The following DOCK3 variants were observed in gnomAD, a reference collection of about 807,000 sequenced individuals.
The protein encoded by DOCK3 is dedicator of cytokinesis protein 3.
Under a neutral mutation model 265.6 loss-of-function variants are expected in DOCK3, and 60 were observed. That is an observed-to-expected ratio of 0.23 (90% confidence interval 0.18 to 0.28). DOCK3 has a LOEUF of 0.28. DOCK3 is among the 10% of genes least tolerant of loss of function. The pLI, the probability that DOCK3 is intolerant of heterozygous loss-of-function variation, is 1.00. For synonymous variants in DOCK3, 881 were observed against 938.0 expected, an observed-to-expected ratio of 0.94 and a Z score of 1.11; for missense variants, 1,981 against 2,594.3, an observed-to-expected ratio of 0.76 and a Z score of 5.14.
At chr3:50,926,020 A>G (rs1336680106) in intron 4 of DOCK3, among the ~76,000 whole-genome samples, 1 of 151,802 alleles carries the variant, frequency 6.6e-6, no homozygotes, top group Non-Finnish European at 1.5e-5. Context: ...TTTAGTAGAG[A>G]TAGGGTTTTA....
intron 1 of DOCK3, among the ~76,000 whole-genome samples, chr3:50,754,301 A>G (rs992686413): frequency 6.6e-6 from 1 of 152,144 alleles, no homozygotes; most frequent in Non-Finnish European, 1.5e-5. Flanking sequence ...CTAGAAGGTA[A>G]AGGGAGTGGA....
intron 3 of DOCK3, among the ~76,000 whole-genome samples, chr3:50,854,329 G>GT (rs374329947): frequency 1.3e-5 from 2 of 149,884 alleles, no homozygotes; most frequent in Non-Finnish European, 3.0e-5. Flanking sequence ...GTCTATTTTT[G>GT]TTTTTTTCAT....
chr3:50,798,900 AGAGT>A (rs1459199047), intron 2 of DOCK3, among the ~76,000 whole-genome samples: 2 of 152,198 alleles, frequency 1.3e-5, no homozygotes, highest in African/African-American at 4.8e-5. Context: ...ATTTTTGTAT[AGAGT>A]GAGAGGTAGA....
At chr3:50,798,657 T>G (rs1355224200) in intron 2 of DOCK3, among the ~76,000 whole-genome samples, 1 of 152,202 alleles carries the variant, frequency 6.6e-6, no homozygotes, top group Admixed American at 6.5e-5. Flanking sequence ...ATGAGTGGTT[T>G]CAGAATATTT....
chr3:51,065,401 G>A (rs2109283346), intron 6 of DOCK3, among the ~76,000 whole-genome samples: 1 of 152,186 alleles, frequency 6.6e-6, no homozygotes, highest in Non-Finnish European at 1.5e-5. Context: ...GCCCATTTCT[G>A]GAAGCCGGAA....
chr3:51,281,924 A>G (rs985741645), intron 27 of DOCK3, among the ~76,000 whole-genome samples: 1 of 152,174 alleles, frequency 6.6e-6, no homozygotes, highest in African/African-American at 2.4e-5. Context: ...CACTGAGACA[A>G]AGGATTCCTC....
chr3:50,891,530 A>G (rs1575461811), intron 4 of DOCK3, among the ~76,000 whole-genome samples: 1 of 152,166 alleles, frequency 6.6e-6, no homozygotes, highest in South Asian at 2.1e-4. Flanking sequence ...AGGACTATCA[A>G]AAGTATCAAG....
At position 50,807,729 on chromosome 3, in the gene DOCK3, G is replaced by C. The variant is rs551142019; in HGVS notation, c.121+28971G>C. Reference sequence around the variant, plus strand: ...ATATTGAGAATAACTAAGGGAATTTGATGGCTACAGTGTCAGTATTGTGTT... The same window carrying C: ...ATATTGAGAATAACTAAGGGAATTTCATGGCTACAGTGTCAGTATTGTGTT... On this transcript the variant is annotated intron_variant, in intron 2 of 52. Coordinates refer to ENST00000266037, the MANE Select transcript of DOCK3 (RefSeq NM_004947.5). Among the ~76,000 whole-genome samples, 3 of 152,278 alleles carry C rather than the reference G, an allele frequency of 2.0e-5. No homozygotes were observed. The South Asian group carries it at 6.2e-4, about 32-fold the overall frequency.
At chr3:51,161,104 T>G (rs373615678) in intron 12 of DOCK3, among the ~76,000 whole-genome samples, 67 of 144,160 alleles carry the variant, frequency 4.6e-4, no homozygotes, top group African/African-American at 1.7e-3. Flanking sequence ...CAAAAACACC[T>G]TGTGGACACA....
At chr3:51,135,531 G>A (rs1279362356) in intron 9 of DOCK3, among the ~76,000 whole-genome samples, 7 of 152,018 alleles carry the variant, frequency 4.6e-5, no homozygotes, top group South Asian at 2.1e-4. Flanking sequence ...GACTGTCTCC[G>A]GGAATCCTTT....
At chr3:51,373,995 C>T (rs142205750) in intron 49 of DOCK3, among the ~76,000 whole-genome samples, 88 of 152,204 alleles carry the variant, frequency 5.8e-4, no homozygotes, top group African/African-American at 1.9e-3. Flanking sequence ...AAGGTAAGTG[C>T]GTAAAGACAC....
At chr3:51,036,552 G>C in intron 5 of DOCK3, among the ~76,000 whole-genome samples, 1 of 152,038 alleles carries the variant, frequency 6.6e-6, no homozygotes, top group South Asian at 2.1e-4. Flanking sequence ...GTACCTTAAA[G>C]GTTTAATATG....
intron 1 of DOCK3, among the ~76,000 whole-genome samples, chr3:50,718,853 C>T (rs911895772): frequency 2.7e-5 from 4 of 147,350 alleles, no homozygotes; most frequent in South Asian, 2.1e-4. Flanking sequence ...GGCACGATCT[C>T]GGCTCACTTG....
At chr3:51,278,579 G>A in intron 26 of DOCK3, 1 of 981,990 alleles carries the variant, frequency 1.0e-6, no homozygotes, top group Non-Finnish European at 1.2e-6. Flanking sequence ...TCCTTTAGGA[G>A]CCTCTGTTGA....
At chr3:51,186,720 G>C (rs953583397) in intron 12 of DOCK3, among the ~76,000 whole-genome samples, 3 of 152,186 alleles carry the variant, frequency 2.0e-5, no homozygotes, top group African/African-American at 4.8e-5. Flanking sequence ...AGCTGCTCCA[G>C]CTGTGGCTGA....
intron 3 of DOCK3, among the ~76,000 whole-genome samples, chr3:50,856,196 T>TAC (rs2046589005): frequency 6.6e-6 from 1 of 152,212 alleles, no homozygotes; most frequent in South Asian, 2.1e-4. Context: ...TTTGGGTATA[T>TAC]ACCCAGTAAT....
Position 51,370,591 on chromosome 3 carries a change from T to A in DOCK3, c.5294-3878T>A, listed in dbSNP as rs930538197. On this transcript the variant is annotated intron_variant, in intron 49 of 52. Transcript: ENST00000266037. ...CACTTATCAAGCTTTTACTGAATGC[T>A]CAGTGAGGAACCTGCATGGCTCTTG... Among the ~76,000 whole-genome samples the A allele has an allele frequency of 3.0e-4, 46 of 152,254 alleles. 1 individual carries two copies. Among genetic ancestry groups the A allele is most frequent in the Admixed American group, 2.9e-3 (44 of 15,288 alleles).
At chr3:51,140,255 A>G (rs1403697091) in intron 9 of DOCK3, among the ~76,000 whole-genome samples, 1 of 152,066 alleles carries the variant, frequency 6.6e-6, no homozygotes. Context: ...TAGTCACTCC[A>G]TTTCCTCCAG....
chr3:50,955,249 G>A (rs1288001328), intron 5 of DOCK3, among the ~76,000 whole-genome samples: 5 of 152,178 alleles, frequency 3.3e-5, no homozygotes, highest in African/African-American at 1.2e-4. Flanking sequence ...GTGTAAATTA[G>A]TTCAACCATT....
Sources: allele counts gnomAD v4.1 joint callset (sites outside exome capture counted in the v4.1 genomes callset), GRCh38; gene constraint gnomAD v4.1.1; transcripts MANE v1.5; gene names NCBI Gene and HGNC (gene_info 2026-07-23, HGNC 2026-07-21).